CDKAL1: variants seen among roughly 807,000 people sequenced by gnomAD.
CDKAL1 encodes CDKAL1 threonylcarbamoyladenosine tRNA methylthiotransferase.
A neutral mutation model predicts 68.2 loss-of-function variants in CDKAL1; 32 were observed. The observed-to-expected ratio is 0.47, with a 90% CI of 0.35 to 0.63. The LOEUF is 0.63. CDKAL1 is among the 30% of genes least tolerant of loss of function. The pLI is 0.00. For synonymous variants in CDKAL1, 234 were observed against 244.3 expected (o/e 0.96, Z 0.39); for missense variants, 606 against 696.7 (o/e 0.87, Z 1.47).
chr6:20,682,614 G>A (rs1257467882), intron 5 of CDKAL1, among the ~76,000 whole-genome samples: 3 of 152,084 alleles, frequency 2.0e-5, no homozygotes, highest in African/African-American at 7.2e-5. Flanking sequence ...CCCATGATTC[G>A]ATCACCTCCC....
chr6:21,003,371 T>TATATATATATATATATATATATATAC, intron 11 of CDKAL1, among the ~76,000 whole-genome samples: 26 of 49,274 alleles, frequency 5.3e-4, no homozygotes, highest in Non-Finnish European at 7.9e-4. Flanking sequence ...TATATATATA[T>TATATATATATATATATATATATATAC]ACACACACAC....
intron 8 of CDKAL1, among the ~76,000 whole-genome samples, chr6:20,843,295 A>G: frequency 6.6e-6 from 1 of 151,884 alleles, no homozygotes; most frequent in South Asian, 2.1e-4. Flanking sequence ...TAAATTTTAA[A>G]ATATGTTTCT....
At chr6:20,735,740 A>T (rs990279729) in intron 5 of CDKAL1, among the ~76,000 whole-genome samples, 31 of 152,180 alleles carry the variant, frequency 2.0e-4, no homozygotes, top group African/African-American at 7.5e-4. Flanking sequence ...TATTGGCTGT[A>T]CTGTTTTCAA....
chr6:20,591,365 C>A (rs900765158), intron 4 of CDKAL1, among the ~76,000 whole-genome samples: 6 of 151,994 alleles, frequency 3.9e-5, no homozygotes, highest in Admixed American at 3.3e-4. Flanking sequence ...TAATTAGATC[C>A]CATTTGTCTA....
chr6:21,099,136 C>T (rs192754192), intron 12 of CDKAL1, among the ~76,000 whole-genome samples: 1 of 152,310 alleles, frequency 6.6e-6, no homozygotes, highest in African/African-American at 2.4e-5. Flanking sequence ...CTGGAACCCA[C>T]ACCTCAGTAT....
chr6:20,973,222 A>G (rs1341429377), intron 10 of CDKAL1, among the ~76,000 whole-genome samples: 1 of 152,194 alleles, frequency 6.6e-6, no homozygotes, highest in Non-Finnish European at 1.5e-5. Context: ...TATCAGCTAT[A>G]ATTATTATCA....
At chr6:21,182,862 A>G (rs185216302) in intron 13 of CDKAL1, among the ~76,000 whole-genome samples, 11 of 152,284 alleles carry the variant, frequency 7.2e-5, no homozygotes, top group African/African-American at 2.6e-4. Context: ...AGCATTAACT[A>G]TTCTTGGCTC....
chr6:20,917,290 T>C (rs549407767), intron 9 of CDKAL1, among the ~76,000 whole-genome samples: 4 of 152,270 alleles, frequency 2.6e-5, no homozygotes, highest in African/African-American at 9.6e-5. Flanking sequence ...CTTGCCTTTT[T>C]TTATTATTGT....
intron 4 of CDKAL1, among the ~76,000 whole-genome samples, chr6:20,594,406 C>G (rs917653703): frequency 3.3e-5 from 5 of 152,220 alleles, no homozygotes; most frequent in South Asian, 2.1e-4. Flanking sequence ...CTTCTTGTTG[C>G]GTTGATCCCT....
At chr6:20,982,856 T>TA (rs1039156679) in intron 10 of CDKAL1, among the ~76,000 whole-genome samples, 2 of 152,154 alleles carry the variant, frequency 1.3e-5, no homozygotes, top group African/African-American at 2.4e-5. Context: ...TATTTCATTT[T>TA]AAAAAAACAA....
At chr6:21,072,676 C>CTTTTTTTTT (rs66763305) in intron 12 of CDKAL1, among the ~76,000 whole-genome samples, 14 of 131,140 alleles carry the variant, frequency 1.1e-4, no homozygotes, top group East Asian at 2.2e-4. Flanking sequence ...AATAGAGTAT[C>CTTTTTTTTT]TTTTTTTTTT....
chr6:21,031,544 A>C (rs1470821881), intron 11 of CDKAL1, among the ~76,000 whole-genome samples: 1 of 151,972 alleles, frequency 6.6e-6, no homozygotes, highest in East Asian at 1.9e-4. Flanking sequence ...GGACCATCTT[A>C]GAATTCTGCC....
chr6:20,932,381 C>T (rs1763501074), intron 9 of CDKAL1, among the ~76,000 whole-genome samples: 1 of 152,146 alleles, frequency 6.6e-6, no homozygotes, highest in East Asian at 1.9e-4. Context: ...ATCGTGTCCA[C>T]CCACGTTCCC....
chr6:20,758,640 A>G lies in CDKAL1; in HGVS notation c.514A>G (p.Lys172Glu). The G allele has an allele frequency of 6.2e-7, 1 of 1,609,026 alleles. No homozygotes were observed. The highest frequency in any genetic ancestry group is 8.5e-7 in the Non-Finnish European group (1 of 1,177,310). The change falls in exon 7 of 16, where the codon AAA becomes GAA. Residue 172 changes from lysine (K) to glutamate (E), a missense_variant. Lys to Glu is a moderately conservative substitution (Grantham distance 56, BLOSUM62 1). Transcript: ENST00000274695. Reference sequence around the variant, plus strand: ...GGTAGAAGTTGTGGAGGAGACAATTAAAGGTAATCGTTGAAAGTGAGATAA... The same window carrying G: ...GGTAGAAGTTGTGGAGGAGACAATTGAAGGTAATCGTTGAAAGTGAGATAA... ...RVVEVVEETI[K>E]GHSVRLLGQK...
intron 10 of CDKAL1, chr6:20,993,649 G>T (rs1766956206): frequency 6.6e-6 from 1 of 152,130 alleles, no homozygotes; most frequent in Non-Finnish European, 1.5e-5. Flanking sequence ...TGACTATAGG[G>T]CAATAAAAAT....
At chr6:21,022,422 A>C (rs1322937684) in intron 11 of CDKAL1, among the ~76,000 whole-genome samples, 1 of 152,158 alleles carries the variant, frequency 6.6e-6, no homozygotes, top group Non-Finnish European at 1.5e-5. Flanking sequence ...GAGAGATGTA[A>C]TCAGTTTCAG....
chr6:20,763,711 C>T (rs986701948), intron 7 of CDKAL1, among the ~76,000 whole-genome samples: 1 of 152,126 alleles, frequency 6.6e-6, no homozygotes, highest in African/African-American at 2.4e-5. Context: ...AAAAACTGTA[C>T]TAATAAGGTA....
chr6:21,157,989 C>G (rs1776727703), intron 13 of CDKAL1, among the ~76,000 whole-genome samples: 1 of 152,196 alleles, frequency 6.6e-6, no homozygotes, highest in Non-Finnish European at 1.5e-5. Context: ...GTAGAGTGCT[C>G]TTTTCATTTT....
At chr6:20,569,979 C>T (rs1189151141) in intron 4 of CDKAL1, among the ~76,000 whole-genome samples, 1 of 151,888 alleles carries the variant, frequency 6.6e-6, no homozygotes, top group African/African-American at 2.4e-5. Context: ...TGGAGGGTGT[C>T]TGGGACCTGG....
Sources: allele counts gnomAD v4.1 joint callset (sites outside exome capture counted in the v4.1 genomes callset), GRCh38; gene constraint gnomAD v4.1.1; transcripts MANE v1.5; gene names NCBI Gene and HGNC (gene_info 2026-07-23, HGNC 2026-07-21).